Variants in RTN1 observed in about 807,000 individuals in gnomAD.
RTN1 encodes the protein reticulon 1.
RTN1 carries 25 observed loss-of-function variants against 65.5 expected under a neutral mutation model. The ratio of observed to expected loss-of-function variants is 0.38; its 90% CI spans 0.28 to 0.53. RTN1 has a LOEUF of 0.53. RTN1 is among the 20% of genes least tolerant of loss of function. The pLI, the probability that RTN1 is intolerant of heterozygous loss-of-function variation, is 0.79. For synonymous variants in RTN1, 471 were observed against 447.6 expected (o/e 1.05, Z -0.66); for missense variants, 983 against 1,025.4 (o/e 0.96, Z 0.57).
At chr14:59,815,966 C>T (rs2139619118) in intron 1 of RTN1, among the ~76,000 whole-genome samples, 1 of 152,262 alleles carries the variant, frequency 6.6e-6, no homozygotes, top group South Asian at 2.1e-4. Context: ...TCCTGCTAGC[C>T]AATCACAAAT....
At chr14:59,621,206 C>T (rs113241900) in intron 3 of RTN1, among the ~76,000 whole-genome samples, 2,537 of 152,164 alleles carry the variant, frequency 0.017, 35 homozygotes, top group African/African-American at 0.029. Context: ...TATAAGTAAC[C>T]CTGTTACTGG....
chr14:59,656,955 C>T (rs1248093018), intron 3 of RTN1, among the ~76,000 whole-genome samples: 1 of 152,064 alleles, frequency 6.6e-6, no homozygotes, highest in African/African-American at 2.4e-5. Context: ...AAGTGGATGA[C>T]TCACAGGAAA....
At chr14:59,663,462 A>G (rs1471955120) in intron 3 of RTN1, among the ~76,000 whole-genome samples, 1 of 152,226 alleles carries the variant, frequency 6.6e-6, no homozygotes, top group Non-Finnish European at 1.5e-5. Flanking sequence ...CAATGGCAAC[A>G]AAAGCAAAAA....
intron 1 of RTN1, among the ~76,000 whole-genome samples, chr14:59,788,677 A>G (rs1465174000): frequency 1.3e-5 from 2 of 152,170 alleles, no homozygotes; most frequent in Non-Finnish European, 2.9e-5. Flanking sequence ...ATGAATTTGC[A>G]TTCACAATAA....
At chr14:59,793,709 CT>C (rs1886392091) in intron 1 of RTN1, among the ~76,000 whole-genome samples, 1 of 151,846 alleles carries the variant, frequency 6.6e-6, no homozygotes, top group African/African-American at 2.4e-5. Flanking sequence ...GATACACATT[CT>C]TTTTCCTTTA....
chr14:59,697,459 G>C (rs577572326), intron 3 of RTN1, among the ~76,000 whole-genome samples: 3 of 152,096 alleles, frequency 2.0e-5, no homozygotes, highest in Non-Finnish European at 4.4e-5. Flanking sequence ...AGAAGTTTCA[G>C]TGGCCCATTA....
chr14:59,835,687 G>A (rs1308546070), intron 1 of RTN1, among the ~76,000 whole-genome samples: 1 of 151,918 alleles, frequency 6.6e-6, no homozygotes, highest in Non-Finnish European at 1.5e-5. Flanking sequence ...ATTGATTTTG[G>A]TTCTACCCCC....
intron 1 of RTN1, among the ~76,000 whole-genome samples, chr14:59,852,493 C>T (rs901210603): frequency 2.0e-5 from 3 of 152,124 alleles, no homozygotes; most frequent in African/African-American, 4.8e-5. Flanking sequence ...AAGACTGTTG[C>T]CTAATCTACT....
At chr14:59,605,638 T>C in intron 4 of RTN1, 132 bp from the exon 5 acceptor site, 1 of 869,308 alleles carries the variant, frequency 1.2e-6, no homozygotes, top group Non-Finnish European at 1.8e-6. Flanking sequence ...TGGGGGGTTA[T>C]GCCAGCCAGT....
chr14:59,853,060 G>T (rs922694120), intron 1 of RTN1, among the ~76,000 whole-genome samples: 1 of 152,264 alleles, frequency 6.6e-6, no homozygotes, highest in South Asian at 2.1e-4. Context: ...TGATCTCTAT[G>T]AGAGTATCTG....
chr14:59,789,815 A>G (rs149900392), intron 1 of RTN1, among the ~76,000 whole-genome samples: 1 of 152,252 alleles, frequency 6.6e-6, no homozygotes, highest in East Asian at 1.9e-4. Flanking sequence ...CATATAATGT[A>G]ATAAAATACA....
intron 3 of RTN1, among the ~76,000 whole-genome samples, chr14:59,716,994 A>C (rs57161091): frequency 3.6e-4 from 31 of 87,034 alleles, no homozygotes; most frequent in African/African-American, 1.1e-3. Flanking sequence ...AACAAAAAAA[A>C]AAAAAAAAAG....
At chr14:59,800,945 T>TA (rs147208001) in intron 1 of RTN1, among the ~76,000 whole-genome samples, 52 of 145,876 alleles carry the variant, frequency 3.6e-4, no homozygotes, top group East Asian at 3.4e-3. Context: ...ATAAAAGATG[T>TA]AAAAAAAAAA....
At chr14:59,815,583 C>T (rs925585875) in intron 1 of RTN1, among the ~76,000 whole-genome samples, 1 of 152,194 alleles carries the variant, frequency 6.6e-6, no homozygotes, top group Admixed American at 6.5e-5. Context: ...AGCTCATTGC[C>T]TAATGACCCA....
chr14:59,638,919 CTGTT>C (rs1483714712), intron 3 of RTN1, among the ~76,000 whole-genome samples: 4 of 152,202 alleles, frequency 2.6e-5, no homozygotes, highest in South Asian at 2.1e-4. Flanking sequence ...ACTTGGATAA[CTGTT>C]TGGCCTTGCT....
intron 3 of RTN1, among the ~76,000 whole-genome samples, chr14:59,641,533 C>A (rs1212392307): frequency 1.3e-5 from 2 of 151,984 alleles, no homozygotes; most frequent in African/African-American, 2.4e-5. Context: ...CCACACACAG[C>A]TAATTTTTTG....
intron 1 of RTN1, among the ~76,000 whole-genome samples, chr14:59,851,379 T>C (rs1352015981): frequency 6.6e-6 from 1 of 152,194 alleles, no homozygotes; most frequent in Non-Finnish European, 1.5e-5. Context: ...GGAGTTATTA[T>C]ACCACATAGG....
chr14:59,782,406 T>G (rs944012650), intron 1 of RTN1, among the ~76,000 whole-genome samples: 1 of 152,210 alleles, frequency 6.6e-6, no homozygotes, highest in Non-Finnish European at 1.5e-5. Context: ...GTTTTGAACT[T>G]TTCTTTTACA....
intron 1 of RTN1, among the ~76,000 whole-genome samples, chr14:59,827,403 T>C (rs965183271): frequency 6.6e-6 from 1 of 152,096 alleles, no homozygotes; most frequent in Admixed American, 6.5e-5. Context: ...TGCAGTTTTT[T>C]TCTTTGCATC....
Sources: allele counts gnomAD v4.1 joint callset (sites outside exome capture counted in the v4.1 genomes callset), GRCh38; gene constraint gnomAD v4.1.1; transcripts MANE v1.5; gene names NCBI Gene and HGNC (gene_info 2026-07-23, HGNC 2026-07-21).